Variants in KBTBD11 observed in about 807,000 individuals in gnomAD.
KBTBD11 encodes the protein kelch repeat and BTB domain-containing protein 11.
For missense variants in KBTBD11, 1,390 were observed against 1,001.8 expected, an observed-to-expected ratio of 1.39 and a Z score of -5.23; for synonymous variants, 747 against 499.0, an observed-to-expected ratio of 1.50 and a Z score of -6.63.
intron 1 of KBTBD11, 50 bp downstream of exon 1, chr8:1,973,985 G>C (rs1233067511): frequency 1.0e-6 from 1 of 967,246 alleles, no homozygotes; most frequent in Non-Finnish European, 1.2e-6. Flanking sequence ...GGCGGAGCGG[G>C]AAGCAGCCCG....
intron 1 of KBTBD11, among the ~76,000 whole-genome samples, chr8:1,989,572 G>A (rs910885346): frequency 3.3e-5 from 5 of 152,158 alleles, no homozygotes; most frequent in African/African-American, 1.2e-4. Context: ...GATCTCAGAC[G>A]CTTGCATTTT....
At position 1,973,706 on chromosome 8, in the gene KBTBD11, A is replaced by C; in HGVS notation, c.-1138A>C. 1 of 983,592 alleles carries C rather than the reference A, an allele frequency of 1.0e-6. No individual in the cohort carries two copies. Among genetic ancestry groups the C allele is most frequent in the Non-Finnish European group, 1.2e-6 (1 of 829,232 alleles). 60.9% of individuals were successfully genotyped at this position (983,592 alleles called of 1,614,324 possible). Reference sequence around the variant, plus strand: ...CCCGCGCGCGCCCCTCGCAGCCTGGAGCCGGAGCGCTGGCTCCGCGCGGCC... The same window carrying C: ...CCCGCGCGCGCCCCTCGCAGCCTGGCGCCGGAGCGCTGGCTCCGCGCGGCC... On this transcript the variant is annotated 5_prime_UTR_variant, in exon 1 of 2. Coordinates refer to ENST00000320248, the MANE Select transcript of KBTBD11 (RefSeq NM_014867.3).
In KBTBD11 at chr8:2,004,630, G is replaced by C. The variant is rs746772331; in HGVS notation, c.*1566G>C. ...TCAGCTTGAACCTTATGCATGACTCGGGGGCTGGAATTTATGATCTGGGTT... is the reference window on the plus strand; with the variant it reads ...TCAGCTTGAACCTTATGCATGACTCCGGGGCTGGAATTTATGATCTGGGTT... On this transcript the variant is annotated 3_prime_UTR_variant, in exon 2 of 2. Coordinates refer to ENST00000320248, the MANE Select transcript of KBTBD11 (RefSeq NM_014867.3). 6.0e-6 allele frequency: 1 copy of C among 167,048 alleles called. No individual in the cohort carries two copies. Among genetic ancestry groups the C allele is most frequent in the Non-Finnish European group, 1.5e-5 (1 of 68,128 alleles). 10.3% of individuals were successfully genotyped at this position (167,048 alleles called of 1,614,324 possible).
Position 2,001,516 on chromosome 8 carries a change from C to T in KBTBD11, c.324C>T (p.Pro108=), listed in dbSNP as rs1249998599. The change falls in exon 2 of 2, where the codon CCC becomes CCT. Residue 108 remains proline (P), a synonymous_variant. Transcript: ENST00000320248. ...CGGAAGAGCCCGCGGCGCCGTCCCC[C>T]GAACCGCGCGTTTGGCTTGAGGACC... is the stretch of plus-strand genomic sequence containing the variant. The part of the protein sequence containing the change: ...ACPEEPAAPS[P]EPRVWLEDPA... The T allele has an allele frequency of 7.1e-6, 10 of 1,415,330 alleles. 1 individual carries two copies. The highest frequency in any genetic ancestry group is 7.3e-6 in the Non-Finnish European group (8 of 1,089,994). The allele number at this position is 1,415,330 out of a possible 1,614,324, so 87.7% of individuals were successfully genotyped here.
At chr8:1,974,786 T>C in intron 1 of KBTBD11, 1 of 784,980 alleles carries the variant, frequency 1.3e-6, no homozygotes, top group South Asian at 5.8e-5. Context: ...CTCTTTAGAG[T>C]CCTACAAAAC....
intron 1 of KBTBD11, among the ~76,000 whole-genome samples, chr8:1,993,921 C>CGACACACACACA (rs1488600793): frequency 2.5e-5 from 1 of 39,302 alleles, no homozygotes; most frequent in Non-Finnish European, 6.8e-5. Flanking sequence ...ACAATACCCC[C>CGACACACACACA]TACACACACA....
At chr8:1,999,720 G>C (rs553413949) in intron 1 of KBTBD11, among the ~76,000 whole-genome samples, 40 of 152,144 alleles carry the variant, frequency 2.6e-4, no homozygotes, top group Admixed American at 7.9e-4. Flanking sequence ...GCGCCATTTG[G>C]GGTCCTGAAT....
intron 1 of KBTBD11, among the ~76,000 whole-genome samples, chr8:1,984,525 G>A (rs111497148): frequency 1.6e-4 from 25 of 152,024 alleles, no homozygotes; most frequent in African/African-American, 5.5e-4. Context: ...CTGACCTTGC[G>A]ATCCCCCCGC....
chr8:1,984,237 G>A (rs1816635284), intron 1 of KBTBD11, among the ~76,000 whole-genome samples: 1 of 151,648 alleles, frequency 6.6e-6, no homozygotes, highest in African/African-American at 2.4e-5. Flanking sequence ...TGGGAGTTCG[G>A]GACCAGCCTG....
Position 2,001,491 on chromosome 8 carries a change from CGG to C in KBTBD11, c.300_301del (p.Glu101ArgfsTer14). 2 of 1,384,668 alleles carry C rather than the reference CGG, an allele frequency of 1.4e-6. No individual in the cohort carries two copies. The highest frequency in any genetic ancestry group is 1.9e-6 in the Non-Finnish European group (2 of 1,075,916). 85.8% of individuals were successfully genotyped at this position (1,384,668 alleles called of 1,614,324 possible). ...GCGTCCCCTGAGGAGCGCGCGTGCCCGGAAGAGCCCGCGGCGCCGTCCCCCGA... is the reference window on the plus strand; with the variant it reads ...GCGTCCCCTGAGGAGCGCGCGTGCCCAAGAGCCCGCGGCGCCGTCCCCCGA... On this transcript the variant is annotated frameshift_variant, in exon 2 of 2. Coordinates refer to ENST00000320248, the MANE Select transcript of KBTBD11 (RefSeq NM_014867.3). LOFTEE classifies it low-confidence loss of function (END_TRUNC).
At chr8:1,974,418 G>C in intron 1 of KBTBD11, 1 of 984,734 alleles carries the variant, frequency 1.0e-6, no homozygotes, top group Non-Finnish European at 1.2e-6. Flanking sequence ...CAGGGCGGGG[G>C]CTCCTCCCGG....
chr8:1,992,906 C>T (rs963778057), intron 1 of KBTBD11, among the ~76,000 whole-genome samples: 1 of 151,546 alleles, frequency 6.6e-6, no homozygotes, highest in African/African-American at 2.4e-5. Flanking sequence ...ATCTGCCATT[C>T]TTTGTGTAGT....
intron 1 of KBTBD11, among the ~76,000 whole-genome samples, chr8:1,998,468 G>T (rs1366011389): frequency 1.3e-5 from 2 of 152,158 alleles, no homozygotes; most frequent in Non-Finnish European, 2.9e-5. Context: ...CTTTTAAAAT[G>T]CATTTGACTG....
chr8:1,974,118 G>GGGAGC (rs551546039), intron 1 of KBTBD11, 183 bp downstream of exon 1: 1,248 of 122,278 alleles, frequency 0.01, 14 homozygotes, highest in Middle Eastern at 0.014. Flanking sequence ...GGGGAGGGAG[G>GGGAGC]GGAGCGGAGC....
rs1438217000 is a variant in KBTBD11, at chr8:2,006,086, ATGT to A, written c.*3026_*3028del. ...ACCGACTTCTGCTGTAAGAAAATGA[ATGT>A]TGTGGAAATTCTTTGGCTACTTAAC... is the stretch of plus-strand genomic sequence containing the variant. On this transcript the variant is annotated 3_prime_UTR_variant, in exon 2 of 2. Transcript: ENST00000320248. The A allele has an allele frequency of 1.8e-5, 3 of 167,214 alleles. No homozygotes were observed. The highest frequency in any genetic ancestry group is 2.9e-5 in the Non-Finnish European group (2 of 68,116). The allele number at this position is 167,214 out of a possible 1,614,324, so 10.4% of individuals were successfully genotyped here. A position where few individuals can be genotyped will look rare whatever the true frequency, so the allele number is the denominator to read the frequency against.
chr8:1,984,056 G>A (rs970756374), intron 1 of KBTBD11, among the ~76,000 whole-genome samples: 1 of 152,220 alleles, frequency 6.6e-6, no homozygotes, highest in Non-Finnish European at 1.5e-5. Context: ...CTTGAACCTG[G>A]GTGGTAGAGG....
chr8:1,982,666 T>G (rs1439360424), intron 1 of KBTBD11, among the ~76,000 whole-genome samples: 2 of 152,142 alleles, frequency 1.3e-5, no homozygotes, highest in African/African-American at 4.8e-5. Context: ...TCAGAAGCTT[T>G]GTACAATGCA....
intron 1 of KBTBD11, among the ~76,000 whole-genome samples, chr8:1,990,302 T>C (rs1237647236): frequency 6.8e-6 from 1 of 145,996 alleles, no homozygotes; most frequent in Non-Finnish European, 1.5e-5. Flanking sequence ...TGGTGCCCTG[T>C]CCGGGTGGGT....
chr8:1,995,380 G>A (rs1164706213), intron 1 of KBTBD11, among the ~76,000 whole-genome samples: 7 of 152,048 alleles, frequency 4.6e-5, no homozygotes, highest in African/African-American at 7.2e-5. Context: ...GTAGCCGTAC[G>A]GCCAAGTTAA....
Sources: gnomAD v4.1 joint callset for allele counts (sites outside exome capture counted in the v4.1 genomes callset) on GRCh38, gnomAD v4.1.1 for gene constraint, MANE v1.5 for transcripts, NCBI Gene and HGNC (gene_info 2026-07-23, HGNC 2026-07-21) for gene names.